The following CCDC125 variants were observed in gnomAD, a reference collection of about 807,000 sequenced individuals.
CCDC125 encodes coiled-coil domain-containing protein 125.
CCDC125 carries 43 observed loss-of-function variants against 57.4 expected under a neutral mutation model. The observed-to-expected ratio is 0.75, with a 90% CI of 0.59 to 0.97. The LOEUF (loss-of-function observed/expected upper bound fraction) is 0.97. CCDC125 is among the 50% of genes least tolerant of loss of function. CCDC125 has a pLI of 0.00. For missense variants in CCDC125, 563 were observed against 595.7 expected (o/e 0.95, Z 0.57); for synonymous variants, 187 against 195.2 (o/e 0.96, Z 0.35).
intron 1 of CCDC125, among the ~76,000 whole-genome samples, chr5:69,323,461 G>A (rs559116849): frequency 2.6e-5 from 4 of 152,024 alleles, no homozygotes; most frequent in South Asian, 2.1e-4. Flanking sequence ...CTTCATTCCC[G>A]TGGATTTAAC....
intron 2 of CCDC125, among the ~76,000 whole-genome samples, chr5:69,317,362 G>C (rs1438005869): frequency 1.3e-5 from 2 of 152,060 alleles, no homozygotes; most frequent in Non-Finnish European, 2.9e-5. Context: ...CCAACATTTT[G>C]CTTTCAAAAC....
chr5:69,279,782 C>CG (rs889005288), downstream of CCDC125, among the ~76,000 whole-genome samples: 9 of 152,146 alleles, frequency 5.9e-5, no homozygotes, highest in African/African-American at 1.9e-4. Flanking sequence ...CAAAATGTGT[C>CG]TAACACGTGA....
chr5:69,318,165 A>G (rs1169976354), intron 2 of CCDC125, among the ~76,000 whole-genome samples: 1 of 150,932 alleles, frequency 6.6e-6, no homozygotes. Context: ...TATTTTTAGT[A>G]CAGATGGGGT....
At position 69,294,816 on chromosome 5, in the gene CCDC125, G is replaced by A; in HGVS notation, c.901C>T (p.Leu301=). The A allele has an allele frequency of 2.5e-6, 4 of 1,614,138 alleles. No individual in the cohort carries two copies. The highest frequency in any genetic ancestry group is 3.4e-6 in the Non-Finnish European group (4 of 1,179,958). The change falls in exon 9 of 12, where the codon CTG becomes TTG. Residue 301 remains leucine (L), a synonymous_variant. Coordinates refer to ENST00000396496, the MANE Select transcript of CCDC125 (RefSeq NM_176816.5). ...ACCTCTTGTTTGAGCTGAAGAAGCA[G>A]TTTCCGAGTGGATGCTGCCATTCTG... ...CARMAASTRK[L]LLQLKQELEI...
downstream of CCDC125, chr5:69,277,358 C>A: frequency 2.5e-6 from 1 of 398,716 alleles, no homozygotes; most frequent in Non-Finnish European, 4.5e-6. Context: ...GTTCAATACT[C>A]TTGAAATGTA....
intron 6 of CCDC125, among the ~76,000 whole-genome samples, chr5:69,305,458 C>T (rs910969050): frequency 4.6e-5 from 7 of 152,160 alleles, no homozygotes; most frequent in Non-Finnish European, 7.4e-5. Context: ...AGTGATCCAC[C>T]TGCCTCAGCC....
At chr5:69,315,027 G>A (rs1310352481) in intron 2 of CCDC125, among the ~76,000 whole-genome samples, 4 of 151,386 alleles carry the variant, frequency 2.6e-5, no homozygotes, top group African/African-American at 9.7e-5. Context: ...AGGCCAAGGC[G>A]GGTGGATCAC....
chr5:69,289,911 T>C (rs2150336011), intron 10 of CCDC125, among the ~76,000 whole-genome samples: 1 of 151,608 alleles, frequency 6.6e-6, no homozygotes, highest in South Asian at 2.1e-4. Context: ...AATTTAGCCA[T>C]TATATTTTCT....
intron 8 of CCDC125, among the ~76,000 whole-genome samples, chr5:69,298,108 C>T (rs1021118201): frequency 5.3e-5 from 8 of 152,002 alleles, no homozygotes; most frequent in Admixed American, 2.6e-4. Flanking sequence ...CTCTGCCTCC[C>T]GGGTTCAAGC....
intron 8 of CCDC125, among the ~76,000 whole-genome samples, chr5:69,298,048 G>A (rs62373182): frequency 0.4 from 59,214 of 148,710 alleles, 12,563 homozygotes; most frequent in Admixed American, 0.46. Flanking sequence ...ATGGAGTCCC[G>A]CTCTGTCACC....
intron 2 of CCDC125, among the ~76,000 whole-genome samples, chr5:69,319,990 G>A (rs1759757876): frequency 6.6e-6 from 1 of 151,892 alleles, no homozygotes; most frequent in Non-Finnish European, 1.5e-5. Context: ...GTGTAGTGGT[G>A]CATGCCTGTA....
chr5:69,299,400 T>C (rs6866817), intron 8 of CCDC125, among the ~76,000 whole-genome samples: 115,510 of 151,988 alleles, frequency 0.76, 47,602 homozygotes, highest in East Asian at 0.92. Flanking sequence ...TGAGCCACCG[T>C]GCCCGGCCTT....
At chr5:69,310,318 T>G (rs943914948) in intron 4 of CCDC125, 2 of 152,306 alleles carry the variant, frequency 1.3e-5, no homozygotes, top group African/African-American at 4.8e-5. Context: ...CAGTGGGAGA[T>G]AGTTTGGATC....
chr5:69,275,144 A>C, the CCDC125 span, among the ~76,000 whole-genome samples: 13 of 152,204 alleles, frequency 8.5e-5, no homozygotes, highest in African/African-American at 3.1e-4. Context: ...TTGTGGACCC[A>C]AGTCAAGAAA....
At chr5:69,320,718 A>G in intron 1 of CCDC125, 138 bp from the exon 2 acceptor site, 1 of 604,192 alleles carries the variant, frequency 1.7e-6, no homozygotes, top group South Asian at 2.1e-5. Flanking sequence ...CACTGTTCAC[A>G]ATAGCCAAGA....
rs1372846036 is a variant in CCDC125, at chr5:69,280,990, A to C, written c.*1739T>G. 1 of 152,172 alleles carries C rather than the reference A, an allele frequency of 6.6e-6. No homozygotes were observed. Among genetic ancestry groups the C allele is most frequent in the Non-Finnish European group, 1.5e-5 (1 of 68,110 alleles). 9.4% of individuals were successfully genotyped at this position (152,172 alleles called of 1,614,324 possible). On this transcript the variant is annotated 3_prime_UTR_variant, in exon 12 of 12. Transcript: ENST00000396496. The stretch of plus-strand genomic sequence containing the variant: ...CGAGTTTTTGTATAGATGGGGTTTC[A>C]CCATGTTGCCCAGGCTGGTCTTGAA...
intron 11 of CCDC125, among the ~76,000 whole-genome samples, chr5:69,284,657 A>G (rs1317018249): frequency 6.6e-6 from 1 of 152,230 alleles, no homozygotes; most frequent in Admixed American, 6.5e-5. Flanking sequence ...AAAAGGACAT[A>G]GAAGGCAAGT....
chr5:69,284,317 A>C (rs936656545), intron 11 of CCDC125, among the ~76,000 whole-genome samples: 1 of 152,194 alleles, frequency 6.6e-6, no homozygotes, highest in Non-Finnish European at 1.5e-5. Context: ...GCAAATATAT[A>C]ACAGTCTAGA....
At chr5:69,306,685 G>T in intron 6 of CCDC125, 132 bp downstream of exon 6, 1 of 1,030,418 alleles carries the variant, frequency 9.7e-7, no homozygotes. Flanking sequence ...AAAAATATGC[G>T]ACTAGTAAGT....
Sources: gnomAD v4.1 joint callset for allele counts (sites outside exome capture counted in the v4.1 genomes callset) on GRCh38, gnomAD v4.1.1 for gene constraint, MANE v1.5 for transcripts, NCBI Gene and HGNC (gene_info 2026-07-23, HGNC 2026-07-21) for gene names.